The following SPOCK3 variants were observed in gnomAD, a reference collection of about 807,000 sequenced individuals.
The protein encoded by SPOCK3 is SPARC (osteonectin), cwcv and kazal like domains proteoglycan 3, also known as testican-3.
A neutral mutation model predicts 56.6 loss-of-function variants in SPOCK3; 30 were observed. That is an observed-to-expected ratio of 0.53 (90% CI 0.40 to 0.72). The LOEUF (loss-of-function observed/expected upper bound fraction) is 0.72, where lower values mean the gene tolerates loss of function less well. Ranked by LOEUF, SPOCK3 falls within the 30% of genes least tolerant of loss-of-function variation. The probability of loss-of-function intolerance (pLI) is 0.00; values close to 1 mark genes in which losing one functional copy is unlikely to be tolerated. For synonymous variants in SPOCK3, 196 were observed against 183.3 expected (o/e 1.07, Z -0.56); for missense variants, 527 against 530.0 (o/e 0.99, Z 0.06).
At chr4:166,842,218 G>T (rs6829373) in intron 6 of SPOCK3, among the ~76,000 whole-genome samples, 1 of 152,030 alleles carries the variant, frequency 6.6e-6, no homozygotes, top group Non-Finnish European at 1.5e-5. Flanking sequence ...AAGCTTCCAC[G>T]GTGAGGAAGA....
Position 167,234,134 on chromosome 4 carries a change from C to T in SPOCK3, c.40G>A (p.Ala14Thr), listed in dbSNP as rs756221303. 4 of 1,613,748 alleles carry T rather than the reference C, an allele frequency of 2.5e-6. No individual in the cohort carries two copies. The highest frequency in any genetic ancestry group is 2.5e-6 in the Non-Finnish European group (3 of 1,179,966). ...VSAVLCVCAA[A>T]WCSQSLAAAA... ...GCTGCGAGAGACTGACTGCACCAAGCGGCTGCACACACACACAGTACGGCT... is the reference window on the plus strand; with the variant it reads ...GCTGCGAGAGACTGACTGCACCAAGTGGCTGCACACACACACAGTACGGCT... Residue 14 changes from alanine to threonine, a missense_variant, in exon 2 of 11, where the codon GCT becomes ACT. By Grantham distance (58) the Ala-to-Thr change is moderately conservative. Coordinates refer to ENST00000357545, the MANE Select transcript of SPOCK3 (RefSeq NM_001040159.2).
chr4:167,001,444 T>C (rs914654156), intron 3 of SPOCK3, among the ~76,000 whole-genome samples: 8 of 152,212 alleles, frequency 5.3e-5, no homozygotes, highest in African/African-American at 1.4e-4. Flanking sequence ...TTCAATCATG[T>C]TGTACCATGA....
At position 167,116,521 on chromosome 4, in the gene SPOCK3, C is replaced by T. The variant is rs1392439931; in HGVS notation, c.190-53984G>A. The stretch of plus-strand genomic sequence containing the variant: ...ATATATATATACACAAATATATATA[C>T]GTATATGTATATATATATAAAAGTA... On this transcript the variant is annotated intron_variant, in intron 2 of 10. Coordinates refer to ENST00000357545, the MANE Select transcript of SPOCK3 (RefSeq NM_001040159.2). Among the ~76,000 whole-genome samples the T allele has an allele frequency of 2.4e-4, 28 of 118,132 alleles. No homozygotes were observed. In the South Asian group the frequency reaches 5.6e-3, roughly 23 times the overall value. 77.5% of individuals were successfully genotyped at this position (118,132 alleles called of 152,430 possible).
At chr4:166,790,162 C>T (rs1444036431) in intron 7 of SPOCK3, among the ~76,000 whole-genome samples, 1 of 152,030 alleles carries the variant, frequency 6.6e-6, no homozygotes, top group Non-Finnish European at 1.5e-5. Flanking sequence ...ATCCTAGGTT[C>T]TGGAAATACA....
chr4:167,022,534 G>T (rs571875923), intron 3 of SPOCK3, among the ~76,000 whole-genome samples: 1 of 152,056 alleles, frequency 6.6e-6, no homozygotes, highest in Non-Finnish European at 1.5e-5. Context: ...GAGCCATACT[G>T]TTGTACCACT....
chr4:166,803,782 T>C (rs904941395), intron 6 of SPOCK3, among the ~76,000 whole-genome samples: 1 of 152,148 alleles, frequency 6.6e-6, no homozygotes, highest in African/African-American at 2.4e-5. Context: ...GCTATTAAAA[T>C]TTTATGCCTA....
chr4:167,117,203 A>C (rs1322699200), intron 2 of SPOCK3, among the ~76,000 whole-genome samples: 1 of 152,060 alleles, frequency 6.6e-6, no homozygotes, highest in Non-Finnish European at 1.5e-5. Context: ...AAATATGTGA[A>C]ACTATTACAT....
At chr4:167,131,356 G>C (rs1420429471) in intron 2 of SPOCK3, among the ~76,000 whole-genome samples, 3 of 152,156 alleles carry the variant, frequency 2.0e-5, no homozygotes, top group Non-Finnish European at 4.4e-5. Flanking sequence ...GGGAGGCTGA[G>C]ACGGTGAATC....
intron 8 of SPOCK3, among the ~76,000 whole-genome samples, chr4:166,753,629 T>G (rs1012977562): frequency 6.6e-6 from 1 of 152,066 alleles, no homozygotes; most frequent in African/African-American, 2.4e-5. Flanking sequence ...TATCGAAGAC[T>G]GGTAATCATT....
chr4:167,166,306 C>G (rs549230537), intron 2 of SPOCK3, among the ~76,000 whole-genome samples: 1 of 151,994 alleles, frequency 6.6e-6, no homozygotes, highest in African/African-American at 2.4e-5. Flanking sequence ...TAAAACATAA[C>G]TGAATGTTCC....
chr4:166,753,850 C>T (rs1736726929), intron 8 of SPOCK3, among the ~76,000 whole-genome samples: 3 of 151,888 alleles, frequency 2.0e-5, no homozygotes, highest in African/African-American at 7.2e-5. Context: ...AATTATCATT[C>T]AATTGATTCC....
At chr4:167,085,595 C>T (rs1406906371) in intron 2 of SPOCK3, among the ~76,000 whole-genome samples, 1 of 152,032 alleles carries the variant, frequency 6.6e-6, no homozygotes, top group Non-Finnish European at 1.5e-5. Context: ...AGGAATCTAG[C>T]GTCATGATGG....
chr4:167,115,721 G>C (rs1355969200), intron 2 of SPOCK3, among the ~76,000 whole-genome samples: 2 of 151,890 alleles, frequency 1.3e-5, no homozygotes, highest in African/African-American at 4.8e-5. Flanking sequence ...GCCTTCAAAG[G>C]GGCAACAATG....
chr4:166,968,207 C>A (rs1744958273), intron 4 of SPOCK3, among the ~76,000 whole-genome samples: 1 of 152,026 alleles, frequency 6.6e-6, no homozygotes, highest in Admixed American at 6.6e-5. Flanking sequence ...GGAAGCAGAG[C>A]ATAAAAGTTT....
intron 2 of SPOCK3, among the ~76,000 whole-genome samples, chr4:167,194,750 C>T (rs1223137831): frequency 6.6e-6 from 1 of 152,110 alleles, no homozygotes; most frequent in East Asian, 1.9e-4. Context: ...CCTGTCTGTT[C>T]CCTGAGAAGA....
intron 3 of SPOCK3, among the ~76,000 whole-genome samples, chr4:167,021,087 C>T (rs1338319335): frequency 6.6e-6 from 1 of 151,992 alleles, no homozygotes; most frequent in Non-Finnish European, 1.5e-5. Context: ...TATTATTATG[C>T]TGTGTCACTC....
intron 2 of SPOCK3, among the ~76,000 whole-genome samples, chr4:167,144,904 T>C (rs145543460): frequency 7.2e-5 from 11 of 151,880 alleles, no homozygotes; most frequent in Non-Finnish European, 1.2e-4. Flanking sequence ...CAGAGAACCA[T>C]TGGAGGGTTT....
In SPOCK3 at chr4:166,773,833, A is replaced by G. The variant is rs941887562; in HGVS notation, c.709+18337T>C. On this transcript the variant is annotated intron_variant, in intron 7 of 10. Transcript: ENST00000357545. ...ATACACATTTTATATTAACTAGTAT[A>G]TTGATCACACCATGCACATATATGC... 1.4e-4 allele frequency among the ~76,000 whole-genome samples: 21 copies of G among 152,312 alleles called. No individual in the cohort carries two copies. In the East Asian group the frequency reaches 4.1e-3, roughly 29 times the overall value.
At chr4:167,110,511 G>C (rs1052931668) in intron 2 of SPOCK3, among the ~76,000 whole-genome samples, 1 of 151,718 alleles carries the variant, frequency 6.6e-6, no homozygotes, top group Non-Finnish European at 1.5e-5. Context: ...CAGTGTCAGG[G>C]GTGATAAATT....
Sources: gnomAD v4.1 joint callset for allele counts (sites outside exome capture counted in the v4.1 genomes callset) on GRCh38, gnomAD v4.1.1 for gene constraint, MANE v1.5 for transcripts, NCBI Gene and HGNC (gene_info 2026-07-23, HGNC 2026-07-21) for gene names.